Variants in NXNL1 observed in about 807,000 individuals in gnomAD.
The protein encoded by NXNL1 is nucleoredoxin like 1.
In NXNL1, 6 loss-of-function variants were observed where a neutral mutation model predicts 7.2. The observed-to-expected ratio is 0.83, with a 90% CI of 0.46 to 1.64. NXNL1 has a LOEUF of 1.64. Among genes scored for constraint, NXNL1 ranks in the 40% most tolerant of loss-of-function variants. NXNL1 has a pLI of 0.01. For synonymous variants in NXNL1, 133 were observed against 127.2 expected, an observed-to-expected ratio of 1.05 and a Z score of -0.31; for missense variants, 308 against 285.1, an observed-to-expected ratio of 1.08 and a Z score of -0.58.
intron 1 of NXNL1, among the ~76,000 whole-genome samples, chr19:17,459,393 A>T (rs6512194): frequency 0.85 from 129,278 of 151,996 alleles, 55,969 homozygotes; most frequent in Non-Finnish European, 0.91. Context: ...TCTCCCTGTA[A>T]TTTATTTATT....
At position 17,455,685 on chromosome 19, in the gene NXNL1, C is replaced by A; in HGVS notation, c.601G>T (p.Gly201Trp). Residue 201 changes from glycine (G) to tryptophan (W), a missense_variant, in exon 2 of 2, where the codon GGG becomes TGG. Transcript: ENST00000301944. ...CCGGCCCCGCCCTCCTCCCCACCCC[C>A]TCCCCCGGGGTCGCGCCCGCCTCGC... ...AARGGRDPGGGGGEEGGAGGL... is the reference protein window; with the variant it reads ...AARGGRDPGGWGGEEGGAGGL... 2 of 1,511,432 alleles carry A rather than the reference C, an allele frequency of 1.3e-6. No homozygotes were observed. The highest frequency in any genetic ancestry group is 1.8e-6 in the Non-Finnish European group (2 of 1,127,540). 93.6% of individuals were successfully genotyped at this position (1,511,432 alleles called of 1,614,324 possible).
At chr19:17,458,843 C>T (rs1188515197) in intron 1 of NXNL1, among the ~76,000 whole-genome samples, 7 of 152,034 alleles carry the variant, frequency 4.6e-5, no homozygotes. Context: ...CTCACGTGAT[C>T]CACCCACCTC....
chr19:17,457,881 G>A (rs919677100), intron 1 of NXNL1, among the ~76,000 whole-genome samples: 10 of 152,194 alleles, frequency 6.6e-5, no homozygotes, highest in African/African-American at 2.4e-4. Context: ...GCAGTGGGCA[G>A]GATTCAGTGT....
Position 17,460,759 on chromosome 19 carries a change from C to T in NXNL1, c.111G>A (p.Leu37=). Residue 37 remains leucine (L), a synonymous_variant, in exon 1 of 2, where the codon CTG becomes CTA. Coordinates refer to ENST00000301944, the MANE Select transcript of NXNL1 (RefSeq NM_138454.2). ...SRRLENRLVL[L]FFGAGACPQC... ...GTGGACAAGCCCCAGCACCAAAGAACAGCAGCACCAGCCGGTTCTCCAGCC... is the reference window on the plus strand; with the variant it reads ...GTGGACAAGCCCCAGCACCAAAGAATAGCAGCACCAGCCGGTTCTCCAGCC... The T allele has an allele frequency of 6.2e-7, 1 of 1,613,774 alleles. No homozygotes were observed. The highest frequency in any genetic ancestry group is 8.5e-7 in the Non-Finnish European group (1 of 1,180,030).
chr19:17,457,950 A>T (rs2074998883), intron 1 of NXNL1, among the ~76,000 whole-genome samples: 1 of 152,200 alleles, frequency 6.6e-6, no homozygotes, highest in Admixed American at 6.5e-5. Context: ...CTTGTTGAGT[A>T]ACAAAAGGCA....
chr19:17,455,668 G>GGGGGGCCC lies in NXNL1; in HGVS notation c.617_618insGGGCCCCC (p.Ala208ProfsTer59). On this transcript the variant is annotated frameshift_variant, in exon 2 of 2. Coordinates refer to ENST00000301944, the MANE Select transcript of NXNL1 (RefSeq NM_138454.2). LOFTEE classifies it high-confidence loss of function. ...CGGGTCAGAACAGCCCCCCGGCCCCGCCCTCCTCCCCACCCCCTCCCCCGG... is the reference window on the plus strand; with the variant it reads ...CGGGTCAGAACAGCCCCCCGGCCCCGGGGGGCCCCCCTCCTCCCCACCCCCTCCCCCGG... 1.2e-5 allele frequency: 4 copies of GGGGGGCCC among 330,276 alleles called. No homozygotes were observed. Among genetic ancestry groups the GGGGGGCCC allele is most frequent in the East Asian group, 7.7e-5 (1 of 12,974 alleles). 20.5% of individuals were successfully genotyped at this position (330,276 alleles called of 1,614,324 possible).
chr19:17,455,765 G>T lies in NXNL1; in HGVS notation c.521C>A (p.Pro174Gln). ...QLPEDLEDQE[P>Q]RSLTECLRRH... ...GCGCAGGCACTCGGTGAGGCTCCGTGGCTCCTGGTCCTCCAGGTCCTCTGG... is the reference window on the plus strand; with the variant it reads ...GCGCAGGCACTCGGTGAGGCTCCGTTGCTCCTGGTCCTCCAGGTCCTCTGG... The change falls in exon 2 of 2, where the codon CCA becomes CAA. Residue 174 changes from proline (P) to glutamine (Q), a missense_variant. Transcript: ENST00000301944. The T allele has an allele frequency of 6.5e-7, 1 of 1,544,092 alleles. No homozygotes were observed.
chr19:17,457,904 G>T (rs931036386), intron 1 of NXNL1, among the ~76,000 whole-genome samples: 24 of 152,336 alleles, frequency 1.6e-4, no homozygotes, highest in African/African-American at 5.3e-4. Context: ...AAACTCTGAT[G>T]ATGTCCAAAT....
intron 1 of NXNL1, 122 bp downstream of exon 1, chr19:17,460,422 C>G: frequency 9.4e-7 from 1 of 1,066,656 alleles, no homozygotes; most frequent in Non-Finnish European, 1.3e-6. Flanking sequence ...CTGTCTGTAC[C>G]CCCTAGTTCC....
Position 17,460,532 on chromosome 19 carries a change from G to C in NXNL1, c.326+12C>G. 6.3e-7 allele frequency: 1 copy of C among 1,599,434 alleles called. No homozygotes were observed. ...CCCCCTCCTCCAGGAAGCCCTCCCT[G>C]CCCCTCCTCACCTCCTCAGATCATC... On this transcript the variant is annotated intron_variant, in intron 1 of 1. Coordinates refer to ENST00000301944, the MANE Select transcript of NXNL1 (RefSeq NM_138454.2).
intron 1 of NXNL1, 35 bp downstream of exon 1, chr19:17,460,509 C>A (rs745555952): frequency 1.9e-6 from 3 of 1,593,338 alleles, no homozygotes; most frequent in East Asian, 2.2e-5. Context: ...CGAACATGCC[C>A]CCTCCTCCAG....
chr19:17,460,595 T>C lies in NXNL1; in HGVS notation c.275A>G (p.Lys92Arg), dbSNP rs201992877. Residue 92 changes from lysine to arginine, a missense_variant, in exon 1 of 2, where the codon AAG (lysine) becomes AGG (arginine). Transcript: ENST00000301944. ...STEEQQDLFL[K>R]DMPKKWLFLP... ...GAAAAGCCATTTCTTTGGCATGTCC[T>C]TGAGGAACAGGTCCTGCTGCTCCTC... is the stretch of plus-strand genomic sequence containing the variant. 2.8e-4 allele frequency: 447 copies of C among 1,607,594 alleles called. 3 individuals carry two copies. Among genetic ancestry groups the C allele is most frequent in the Middle Eastern group, 2.6e-3 (16 of 6,062 alleles).
Position 17,460,648 on chromosome 19 carries a change from GGCCAGCTGAGCC to G in NXNL1, c.210_221del (p.Ala71_Ala74del). The G allele has an allele frequency of 6.2e-7, 1 of 1,613,114 alleles. No homozygotes were observed. Among genetic ancestry groups the G allele is most frequent in the Non-Finnish European group, 8.5e-7 (1 of 1,180,020 alleles). On this transcript the variant is annotated inframe_deletion, in exon 1 of 2. Transcript: ENST00000301944. Reference sequence around the variant, plus strand: ...TGGAGTCCTGGGACACGTACACCAGGGCCAGCTGAGCCGCCCGCAGTACATAGAACTCATCTG... The same window carrying G: ...TGGAGTCCTGGGACACGTACACCAGGGCCCGCAGTACATAGAACTCATCTG...
chr19:17,456,007 G>T, intron 1 of NXNL1, 48 bp from the exon 2 acceptor site: 1 of 1,593,936 alleles, frequency 6.3e-7, no homozygotes, highest in South Asian at 1.1e-5. Context: ...CCCTGATGCT[G>T]AACCAGAGAG....
chr19:17,456,695 A>C (rs562253513), intron 1 of NXNL1, among the ~76,000 whole-genome samples: 2 of 152,172 alleles, frequency 1.3e-5, no homozygotes, highest in East Asian at 3.9e-4. Flanking sequence ...CAGCCTAGCC[A>C]ACATGGTTAA....
At chr19:17,456,679 C>T (rs552979344) in intron 1 of NXNL1, among the ~76,000 whole-genome samples, 29 of 151,944 alleles carry the variant, frequency 1.9e-4, no homozygotes, top group African/African-American at 7.0e-4. Flanking sequence ...GCCAGGAGTT[C>T]GAGACCAGCC....
At chr19:17,458,634 C>T (rs1223276463) in intron 1 of NXNL1, among the ~76,000 whole-genome samples, 3 of 113,136 alleles carry the variant, frequency 2.7e-5, no homozygotes, top group African/African-American at 1.0e-4. Flanking sequence ...CAGAGTCTTG[C>T]TCTGTCGCTC....
Position 17,460,001 on chromosome 19 carries a change from G to A in NXNL1, c.326+543C>T, listed in dbSNP as rs187166214. The stretch of plus-strand genomic sequence containing the variant: ...TGTCCTCTGAGCACTACTGCAATTC[G>A]CTATTATATATTTGTTTTTTGATTT... On this transcript the variant is annotated intron_variant, in intron 1 of 1. Transcript: ENST00000301944. Among the ~76,000 whole-genome samples the A allele has an allele frequency of 1.5e-4, 23 of 151,350 alleles. No individual in the cohort carries two copies. In the East Asian group the frequency reaches 4.1e-3, roughly 27 times the overall value.
chr19:17,458,429 C>T (rs1599626729), intron 1 of NXNL1, among the ~76,000 whole-genome samples: 1 of 151,308 alleles, frequency 6.6e-6, no homozygotes, highest in African/African-American at 2.4e-5. Flanking sequence ...ACCCTGGTTT[C>T]GATCTCCTGA....
Sources: gnomAD v4.1 joint callset for allele counts (sites outside exome capture counted in the v4.1 genomes callset) on GRCh38, gnomAD v4.1.1 for gene constraint, MANE v1.5 for transcripts, NCBI Gene and HGNC (gene_info 2026-07-23, HGNC 2026-07-21) for gene names.